MATCAP1: variants seen among roughly 807,000 people sequenced by gnomAD.
MATCAP1 encodes the protein microtubule-associated tyrosine carboxypeptidase 1.
chr16:67,179,661 A>C, the MATCAP1 span: 4 of 1,468,122 alleles, frequency 2.7e-6, no homozygotes, highest in East Asian at 9.1e-5. The surrounding 1 kb of genome is among the most constrained non-coding windows in gnomAD (Gnocchi z 5.2). Flanking sequence ...ACAATTGGCC[A>C]GGGCACCCAC....
At chr16:67,180,295 G>T in the MATCAP1 span, 1 of 1,612,440 alleles carries the variant, frequency 6.2e-7, no homozygotes, top group East Asian at 2.2e-5. Flanking sequence ...CCTGGGTTCC[G>T]TCCCCGTCCA....
the MATCAP1 span, among the ~76,000 whole-genome samples, chr16:67,182,742 T>C: frequency 6.6e-6 from 1 of 152,186 alleles, no homozygotes; most frequent in Non-Finnish European, 1.5e-5. Flanking sequence ...CTCTCTCACT[T>C]TCCTCAAATC....
the MATCAP1 span, chr16:67,178,597 T>C: frequency 2.6e-6 from 3 of 1,138,528 alleles, no homozygotes; most frequent in Non-Finnish European, 3.8e-6. Context: ...TGGCCGGGGC[T>C]CTGGCCGCGA....
the MATCAP1 span, among the ~76,000 whole-genome samples, chr16:67,182,209 A>G: frequency 2.0e-5 from 3 of 150,200 alleles, no homozygotes; most frequent in Middle Eastern, 3.4e-3. Context: ...AGATTGTGCC[A>G]TGGCACTCCA....
the MATCAP1 span, chr16:67,176,929 T>C: frequency 2.5e-6 from 4 of 1,603,602 alleles, no homozygotes; most frequent in Admixed American, 3.4e-5. This position sits in a 1 kb window ranked among gnomAD's most constrained non-coding sequence, Gnocchi z 4.3. Context: ...CCGGGTATTA[T>C]CCAGCACCCC....
the MATCAP1 span, chr16:67,180,772 G>A: frequency 2.3e-6 from 1 of 444,404 alleles, no homozygotes; most frequent in Non-Finnish European, 3.9e-6. Context: ...GGTGGGCCCA[G>A]GCTCTGCTAC....
At chr16:67,177,070 C>G in the MATCAP1 span, 3 of 1,161,216 alleles carry the variant, frequency 2.6e-6, no homozygotes, top group African/African-American at 3.2e-5. Context: ...AGCCTTTGCT[C>G]CGGGACTTCT....
At chr16:67,182,759 T>C in the MATCAP1 span, among the ~76,000 whole-genome samples, 678 of 152,328 alleles carry the variant, frequency 4.5e-3, 3 homozygotes, top group African/African-American at 0.015. Flanking sequence ...AATCTCTGCA[T>C]CAATACCATG....
chr16:67,178,520 G>A, the MATCAP1 span: 5 of 1,519,378 alleles, frequency 3.3e-6, no homozygotes, highest in Non-Finnish European at 4.4e-6. Flanking sequence ...GGGAAGGCGA[G>A]GGGAGGCGGC....
the MATCAP1 span, chr16:67,179,734 G>C: frequency 6.3e-7 from 1 of 1,580,928 alleles, no homozygotes; most frequent in Non-Finnish European, 8.7e-7. The surrounding 1 kb of genome is among the most constrained non-coding windows in gnomAD (Gnocchi z 5.2). Context: ...GGGTGGGTCA[G>C]GTGTGGAGCT....
At chr16:67,178,211 T>A in the MATCAP1 span, 1 of 1,451,044 alleles carries the variant, frequency 6.9e-7, no homozygotes, top group African/African-American at 1.5e-5. Flanking sequence ...GGCAGCGAGG[T>A]GTCGGTCTGG....
chr16:67,179,345 G>A, the MATCAP1 span: 109 of 1,519,308 alleles, frequency 7.2e-5, no homozygotes, highest in Non-Finnish European at 9.3e-5. This position sits in a 1 kb window ranked among gnomAD's most constrained non-coding sequence, Gnocchi z 5.2. Context: ...AAAAAGGGGA[G>A]TTATTGGGGC....
chr16:67,183,436 T>C, the MATCAP1 span: 1 of 152,264 alleles, frequency 6.6e-6, no homozygotes, highest in Non-Finnish European at 1.5e-5. Context: ...CTTCGGCGAC[T>C]TCTTTACTCA....
the MATCAP1 span, chr16:67,180,146 G>T: frequency 1.2e-6 from 2 of 1,614,246 alleles, no homozygotes; most frequent in Non-Finnish European, 1.7e-6. Context: ...GGGACTGGAA[G>T]AACTTGTCTC....
the MATCAP1 span, chr16:67,180,175 T>C: frequency 3.1e-6 from 5 of 1,614,126 alleles, no homozygotes; most frequent in African/African-American, 6.7e-5. Flanking sequence ...TCCATGTTGG[T>C]TGGCCGCAGG....
chr16:67,178,073 G>A, the MATCAP1 span: 1 of 1,614,192 alleles, frequency 6.2e-7, no homozygotes, highest in Non-Finnish European at 8.5e-7. Flanking sequence ...TGCGCACGAT[G>A]CCGTCCAGGT....
the MATCAP1 span, chr16:67,177,114 C>T: frequency 3.0e-5 from 19 of 632,120 alleles, no homozygotes; most frequent in South Asian, 1.3e-4. Context: ...TTAGCTACAA[C>T]GTTTTATACC....
chr16:67,183,906 GCTCTGCTAC>G, the MATCAP1 span: 1 of 179,836 alleles, frequency 5.6e-6, no homozygotes, highest in Non-Finnish European at 1.2e-5. Context: ...CGCCGCTCCC[GCTCTGCTAC>G]ACCGGCCACC....
chr16:67,179,214 A>AGAGAT, the MATCAP1 span: 1 of 1,390,788 alleles, frequency 7.2e-7, no homozygotes, highest in East Asian at 2.7e-5. The surrounding 1 kb of genome is among the most constrained non-coding windows in gnomAD (Gnocchi z 5.2). Flanking sequence ...GAAAGGACCA[A>AGAGAT]GAGATGAGAG....
Sources: allele counts gnomAD v4.1 joint callset (sites outside exome capture counted in the v4.1 genomes callset), GRCh38; gene constraint gnomAD v4.1.1; non-coding constraint Gnocchi (gnomAD v3.1); transcripts MANE v1.5; gene names NCBI Gene and HGNC (gene_info 2026-07-23, HGNC 2026-07-21).